Variants in HSDL2 observed in about 807,000 individuals in gnomAD.
The protein encoded by HSDL2 is hydroxysteroid dehydrogenase like 2, also known as hydroxysteroid dehydrogenase-like protein 2.
A neutral mutation model predicts 46.3 loss-of-function variants in HSDL2; 27 were observed. The observed-to-expected ratio is 0.58, with a 90% CI of 0.43 to 0.80. The LOEUF is 0.80. Ranked by LOEUF, HSDL2 falls within the 30% of genes least tolerant of loss-of-function variation. The probability of loss-of-function intolerance (pLI) is 0.00; values close to 1 mark genes in which losing one functional copy is unlikely to be tolerated. For synonymous variants in HSDL2, 153 were observed against 163.6 expected (o/e 0.94, Z 0.50); for missense variants, 451 against 502.7 (o/e 0.90, Z 0.98).
At chr9:112,409,387 T>C (rs1283011925) in intron 4 of HSDL2, among the ~76,000 whole-genome samples, 2 of 151,864 alleles carry the variant, frequency 1.3e-5, no homozygotes, top group African/African-American at 2.4e-5. Context: ...GACAGGGTTT[T>C]ACCATGTTGG....
At chr9:112,455,662 G>C (rs978886630) in intron 9 of HSDL2, among the ~76,000 whole-genome samples, 1 of 152,156 alleles carries the variant, frequency 6.6e-6, no homozygotes, top group African/African-American at 2.4e-5. Flanking sequence ...GTGTTTTTGT[G>C]GTCAGCTTAC....
At chr9:112,409,619 G>A (rs1205385485) in intron 4 of HSDL2, among the ~76,000 whole-genome samples, 6 of 152,160 alleles carry the variant, frequency 3.9e-5, no homozygotes, top group African/African-American at 9.7e-5. Flanking sequence ...TATTATTGGA[G>A]GCCAGGAGAT....
At position 112,417,947 on chromosome 9, in the gene HSDL2, G is replaced by A. The variant is rs578092849; in HGVS notation, c.500-913G>A. Among the ~76,000 whole-genome samples the A allele has an allele frequency of 2.0e-5, 3 of 152,184 alleles. No homozygotes were observed. The East Asian group carries it at 5.8e-4, about 29-fold the overall frequency. On this transcript the variant is annotated intron_variant, in intron 5 of 10. Coordinates refer to ENST00000398805, the MANE Select transcript of HSDL2 (RefSeq NM_032303.5). Reference sequence around the variant, plus strand: ...ACAAAAATTAGCTGGGCATGGTGGTGCACACCTGTAATCCCAGCTACTCGG... The same window carrying A: ...ACAAAAATTAGCTGGGCATGGTGGTACACACCTGTAATCCCAGCTACTCGG...
intron 10 of HSDL2, among the ~76,000 whole-genome samples, chr9:112,466,175 T>C (rs10981416): frequency 0.96 from 145,481 of 152,320 alleles, 69,538 homozygotes; most frequent in African/African-American, 0.98. Flanking sequence ...TATGTGCTTA[T>C]GGATCAAAGG....
intron 1 of HSDL2, among the ~76,000 whole-genome samples, 164 bp downstream of exon 1, chr9:112,380,344 G>GA (rs756846046): frequency 8.3e-4 from 126 of 152,246 alleles, no homozygotes; most frequent in Middle Eastern, 3.4e-3. Flanking sequence ...TGTGCACCGA[G>GA]AATCTGCGGT....
chr9:112,406,757 C>T (rs975735989), intron 3 of HSDL2, among the ~76,000 whole-genome samples: 2 of 152,210 alleles, frequency 1.3e-5, no homozygotes, highest in Admixed American at 6.5e-5. Context: ...CGTGAGCCAC[C>T]GTGCCCGGCC....
At chr9:112,387,466 C>G (rs1316213029) in intron 1 of HSDL2, among the ~76,000 whole-genome samples, 4 of 152,132 alleles carry the variant, frequency 2.6e-5, no homozygotes, top group Non-Finnish European at 5.9e-5. Context: ...GCGTTCTGCC[C>G]ACCTCTGCCT....
chr9:112,455,855 G>C (rs1225746649), intron 9 of HSDL2, among the ~76,000 whole-genome samples: 1 of 152,176 alleles, frequency 6.6e-6, no homozygotes, highest in Admixed American at 6.5e-5. Context: ...AATCAATCAT[G>C]ATAGGCATCA....
chr9:112,456,710 T>C (rs938213627), intron 9 of HSDL2, among the ~76,000 whole-genome samples: 1 of 152,202 alleles, frequency 6.6e-6, no homozygotes, highest in Non-Finnish European at 1.5e-5. Flanking sequence ...ACATTTTTAG[T>C]TAACTGTCAC....
chr9:112,416,745 C>G (rs1363801206), intron 4 of HSDL2, 96 bp from the exon 5 acceptor site: 2 of 619,754 alleles, frequency 3.2e-6, no homozygotes, highest in South Asian at 2.0e-5. Flanking sequence ...TGCACTCCAG[C>G]CTGGGCAACA....
At chr9:112,463,748 C>T (rs1305886960) in intron 10 of HSDL2, among the ~76,000 whole-genome samples, 3 of 151,982 alleles carry the variant, frequency 2.0e-5, no homozygotes, top group South Asian at 4.2e-4. Context: ...GCAACCTCCA[C>T]CTCCTGGGTT....
chr9:112,443,443 T>G (rs949381833), intron 8 of HSDL2, among the ~76,000 whole-genome samples: 31 of 152,352 alleles, frequency 2.0e-4, no homozygotes, highest in African/African-American at 7.0e-4. Flanking sequence ...CATATTTCTC[T>G]GATTTCAAAG....
At chr9:112,459,107 C>T (rs1050472984) in intron 9 of HSDL2, among the ~76,000 whole-genome samples, 10 of 152,228 alleles carry the variant, frequency 6.6e-5, no homozygotes, top group African/African-American at 2.4e-4. Flanking sequence ...AAACAGTTAA[C>T]TCCCATTCCC....
intron 1 of HSDL2, among the ~76,000 whole-genome samples, chr9:112,380,830 C>T (rs187349361): frequency 1.4e-4 from 21 of 152,214 alleles, no homozygotes; most frequent in African/African-American, 5.1e-4. Flanking sequence ...TGAAACAACT[C>T]CTCTTCCCCA....
chr9:112,393,468 T>G (rs573730784), intron 1 of HSDL2, among the ~76,000 whole-genome samples: 1 of 152,364 alleles, frequency 6.6e-6, no homozygotes, highest in African/African-American at 2.4e-5. Flanking sequence ...ATCGTTAATT[T>G]GATTAGCTAA....
chr9:112,459,689 A>G (rs1833147078), intron 10 of HSDL2, 112 bp downstream of exon 10: 2 of 936,990 alleles, frequency 2.1e-6, no homozygotes, highest in African/African-American at 3.3e-5. Context: ...GCAGCAGTGG[A>G]ATCTTAGTTT....
intron 7 of HSDL2, among the ~76,000 whole-genome samples, chr9:112,440,243 TATG>T (rs1000399337): frequency 3.5e-4 from 53 of 152,250 alleles, no homozygotes; most frequent in African/African-American, 1.2e-3. Context: ...GACCAGATAC[TATG>T]ATATTAGGAT....
intron 1 of HSDL2, among the ~76,000 whole-genome samples, chr9:112,402,808 C>G (rs1467661392): frequency 1.3e-5 from 2 of 152,126 alleles, no homozygotes. Flanking sequence ...GTAGTCCCAG[C>G]TACTTGGGAG....
intron 7 of HSDL2, among the ~76,000 whole-genome samples, chr9:112,439,472 G>A (rs1832595747): frequency 6.6e-6 from 1 of 152,110 alleles, no homozygotes; most frequent in Non-Finnish European, 1.5e-5. Context: ...CTCTTGTTAA[G>A]TAACTCTCCC....
Sources: gnomAD v4.1 joint callset for allele counts (sites outside exome capture counted in the v4.1 genomes callset) on GRCh38, gnomAD v4.1.1 for gene constraint, MANE v1.5 for transcripts, NCBI Gene and HGNC (gene_info 2026-07-23, HGNC 2026-07-21) for gene names.